Variants in DOCK3 observed in about 807,000 individuals in gnomAD.
The protein encoded by DOCK3 is dedicator of cytokinesis 3.
A neutral mutation model predicts 265.6 loss-of-function variants in DOCK3; 60 were observed. The observed-to-expected ratio is 0.23, with a 90% confidence interval of 0.18 to 0.28. The LOEUF is 0.28. DOCK3 is among the 10% of genes least tolerant of loss of function. The pLI, the probability that DOCK3 is intolerant of heterozygous loss-of-function variation, is 1.00. For synonymous variants in DOCK3, 881 were observed against 938.0 expected, an observed-to-expected ratio of 0.94 and a Z score of 1.11; for missense variants, 1,981 against 2,594.3, an observed-to-expected ratio of 0.76 and a Z score of 5.14.
intron 1 of DOCK3, among the ~76,000 whole-genome samples, chr3:50,685,340 T>A (rs2034710999): frequency 6.6e-6 from 1 of 152,182 alleles, no homozygotes; most frequent in Admixed American, 6.5e-5. Context: ...TTTGAAAAAT[T>A]TCAAAATTGA....
chr3:50,841,417 G>T (rs1294402871), intron 2 of DOCK3, among the ~76,000 whole-genome samples: 1 of 152,134 alleles, frequency 6.6e-6, no homozygotes, highest in Non-Finnish European at 1.5e-5. Flanking sequence ...TGAATTACAT[G>T]TCCTCTGAAG....
chr3:50,916,768 C>T (rs1414611936), intron 4 of DOCK3, among the ~76,000 whole-genome samples: 4 of 150,850 alleles, frequency 2.7e-5, no homozygotes, highest in Non-Finnish European at 4.4e-5. Context: ...GAGATTGCGC[C>T]ACTACATTCC....
intron 5 of DOCK3, among the ~76,000 whole-genome samples, chr3:50,949,573 T>C (rs1243974974): frequency 2.0e-5 from 3 of 152,212 alleles, no homozygotes; most frequent in Admixed American, 6.5e-5. Flanking sequence ...ATCTTTTCCT[T>C]AAACATTTGG....
chr3:50,948,295 T>C (rs1472238290), intron 5 of DOCK3, among the ~76,000 whole-genome samples: 1 of 151,408 alleles, frequency 6.6e-6, no homozygotes, highest in East Asian at 1.9e-4. Context: ...GACCTCGTGA[T>C]CCACCTGCCT....
At chr3:51,029,841 G>C (rs1195084162) in intron 5 of DOCK3, among the ~76,000 whole-genome samples, 1 of 152,186 alleles carries the variant, frequency 6.6e-6, no homozygotes, top group African/African-American at 2.4e-5. Context: ...TGCACAGCTA[G>C]CATGGCACCT....
At chr3:51,220,064 G>A (rs969420440) in intron 14 of DOCK3, among the ~76,000 whole-genome samples, 1 of 152,098 alleles carries the variant, frequency 6.6e-6, no homozygotes, top group Non-Finnish European at 1.5e-5. Context: ...GTACTCTAAA[G>A]AAGTCCTCTC....
At chr3:50,787,274 G>T in intron 2 of DOCK3, 2 of 473,072 alleles carry the variant, frequency 4.2e-6, no homozygotes, top group Non-Finnish European at 3.9e-6. Context: ...TGGGGCACAC[G>T]CCTGTAATCC....
At chr3:51,367,858 C>T (rs1432893691) in intron 49 of DOCK3, among the ~76,000 whole-genome samples, 1 of 152,184 alleles carries the variant, frequency 6.6e-6, no homozygotes, top group African/African-American at 2.4e-5. Flanking sequence ...GCTGAGAGAT[C>T]TGCTGTTAGT....
At chr3:51,072,417 T>A (rs1335180435) in intron 6 of DOCK3, among the ~76,000 whole-genome samples, 6 of 152,140 alleles carry the variant, frequency 3.9e-5, no homozygotes, top group Non-Finnish European at 8.8e-5. Flanking sequence ...TAATACAATT[T>A]TTTTTTTTGA....
At chr3:51,166,157 T>C (rs2086395294) in intron 12 of DOCK3, among the ~76,000 whole-genome samples, 1 of 151,800 alleles carries the variant, frequency 6.6e-6, no homozygotes, top group Admixed American at 6.6e-5. Context: ...TTCAAGCAAT[T>C]CTCCTGCCTC....
At chr3:51,317,393 G>A (rs966955606) in intron 32 of DOCK3, among the ~76,000 whole-genome samples, 2 of 150,948 alleles carry the variant, frequency 1.3e-5, no homozygotes, top group Non-Finnish European at 2.9e-5. Context: ...ATTGCACCAC[G>A]TGGTAACTAT....
At chr3:50,953,729 ACCT>A (rs2076654499) in intron 5 of DOCK3, among the ~76,000 whole-genome samples, 3 of 152,174 alleles carry the variant, frequency 2.0e-5, no homozygotes, top group South Asian at 4.1e-4. Context: ...CTAAAATTTC[ACCT>A]CCTCACATTA....
chr3:50,942,509 A>G (rs1225937718), intron 5 of DOCK3, among the ~76,000 whole-genome samples: 1 of 152,030 alleles, frequency 6.6e-6, no homozygotes, highest in Non-Finnish European at 1.5e-5. Flanking sequence ...AAAAACAGTA[A>G]TGTAAATTTG....
intron 5 of DOCK3, among the ~76,000 whole-genome samples, chr3:51,016,946 A>G (rs1435863169): frequency 2.7e-5 from 1 of 36,372 alleles, no homozygotes; most frequent in Non-Finnish European, 4.4e-5. Context: ...TATATGTTAT[A>G]TATAATATAT....
chr3:50,839,190 A>G (rs2045680957), intron 2 of DOCK3, among the ~76,000 whole-genome samples: 1 of 152,182 alleles, frequency 6.6e-6, no homozygotes, highest in African/African-American at 2.4e-5. Flanking sequence ...TCTGAATAAC[A>G]TTCCATTGAT....
intron 2 of DOCK3, among the ~76,000 whole-genome samples, chr3:50,793,464 T>G (rs1390309604): frequency 6.6e-6 from 1 of 151,896 alleles, no homozygotes; most frequent in African/African-American, 2.4e-5. Flanking sequence ...CTTCAAGTGA[T>G]TCTCCTGCCT....
At chr3:50,815,891 C>T (rs768495862) in intron 2 of DOCK3, among the ~76,000 whole-genome samples, 5 of 152,094 alleles carry the variant, frequency 3.3e-5, no homozygotes, top group Non-Finnish European at 7.4e-5. Flanking sequence ...TTTGTAAGGT[C>T]AGAACAGAGA....
intron 10 of DOCK3, among the ~76,000 whole-genome samples, chr3:51,152,051 G>T (rs1229692478): frequency 6.6e-6 from 1 of 152,134 alleles, no homozygotes; most frequent in Non-Finnish European, 1.5e-5. Flanking sequence ...TGCCTTGCTA[G>T]GTTGGGGAAG....
At chr3:51,204,917 C>T (rs569977772) in intron 12 of DOCK3, among the ~76,000 whole-genome samples, 2,026 of 149,688 alleles carry the variant, frequency 0.014, 52 homozygotes, top group African/African-American at 0.046. Context: ...ATCGCAAGAA[C>T]AAAAAACCAA....
Sources: allele counts gnomAD v4.1 joint callset (sites outside exome capture counted in the v4.1 genomes callset), GRCh38; gene constraint gnomAD v4.1.1; transcripts MANE v1.5; gene names NCBI Gene and HGNC (gene_info 2026-07-23, HGNC 2026-07-21).